PRKN: variants seen among roughly 807,000 people sequenced by gnomAD.
PRKN encodes the protein E3 ubiquitin-protein ligase parkin.
PRKN carries 56 observed loss-of-function variants against 59.5 expected under a neutral mutation model. The ratio of observed to expected loss-of-function variants is 0.94; its 90% CI spans 0.76 to 1.18. The LOEUF (loss-of-function observed/expected upper bound fraction) is 1.18. Among genes scored for constraint, PRKN ranks in the 50% most tolerant of loss-of-function variants. The pLI, the probability that PRKN is intolerant of heterozygous loss-of-function variation, is 0.00. For missense variants in PRKN, 657 were observed against 596.4 expected (o/e 1.10, Z -1.06); for synonymous variants, 250 against 222.1 (o/e 1.13, Z -1.12).
At chr6:162,498,281 G>A (rs1468207810) in intron 1 of PRKN, among the ~76,000 whole-genome samples, 4 of 151,242 alleles carry the variant, frequency 2.6e-5, no homozygotes, top group African/African-American at 9.7e-5. Context: ...TAAGCTCCCT[G>A]AAGAACGGAG....
intron 9 of PRKN, among the ~76,000 whole-genome samples, chr6:161,441,352 T>G (rs993372619): frequency 6.6e-6 from 1 of 151,752 alleles, no homozygotes; most frequent in Admixed American, 6.6e-5. Flanking sequence ...ACAGAAAGAG[T>G]CTGGGGTCCT....
rs550257542 is a variant in PRKN at position 162,570,340 on chromosome 6, C to G, written c.8-126867G>C. 3.9e-5 allele frequency among the ~76,000 whole-genome samples: 6 copies of G among 152,196 alleles called. No individual in the cohort carries two copies. The East Asian group carries it at 1.2e-3, about 29-fold the overall frequency. ...GTCAAGGTTGTGGAGAAAAGGGAAC[C>G]CTCATATACTGTTGGTGAAAATGTA... is the stretch of plus-strand genomic sequence containing the variant. On this transcript the variant is annotated intron_variant, in intron 1 of 11. Coordinates refer to ENST00000366898, the MANE Select transcript of PRKN (RefSeq NM_004562.3).
chr6:161,956,871 T>A lies in PRKN; in HGVS notation c.734+16431A>T, dbSNP rs73783659. On this transcript the variant is annotated intron_variant, in intron 6 of 11. Coordinates refer to ENST00000366898, the MANE Select transcript of PRKN (RefSeq NM_004562.3). ...TGTAATAGAGTTATATATAATATAA[T>A]TACTGTAGCTATTAGTGATTTGAAA... 8.4e-3 allele frequency among the ~76,000 whole-genome samples: 1,280 copies of A among 152,292 alleles called. 18 individuals carry two copies. Among genetic ancestry groups the A allele is most frequent in the African/African-American group, 0.03 (1,242 of 41,556 alleles).
chr6:162,018,989 ATTC>A (rs1414121441), intron 5 of PRKN, among the ~76,000 whole-genome samples: 5 of 152,172 alleles, frequency 3.3e-5, no homozygotes, highest in African/African-American at 7.2e-5. Flanking sequence ...AATATCACAA[ATTC>A]TTCTTATGTA....
chr6:162,145,097 C>G (rs940233960), intron 4 of PRKN, among the ~76,000 whole-genome samples: 2 of 152,154 alleles, frequency 1.3e-5, no homozygotes, highest in African/African-American at 4.8e-5. Flanking sequence ...AAGGTATTCA[C>G]TTCAACGCAA....
intron 3 of PRKN, among the ~76,000 whole-genome samples, chr6:162,203,519 A>G (rs943160280): frequency 6.6e-6 from 1 of 152,162 alleles, no homozygotes; most frequent in South Asian, 2.1e-4. Context: ...ACATAACACA[A>G]TTAAAAGTTG....
At chr6:161,392,641 C>G (rs1188543999) in intron 9 of PRKN, among the ~76,000 whole-genome samples, 1 of 151,682 alleles carries the variant, frequency 6.6e-6, no homozygotes, top group Non-Finnish European at 1.5e-5. Flanking sequence ...GGTTTCCTTT[C>G]ATTTGACAAT....
At chr6:162,145,835 G>A (rs551833444) in intron 4 of PRKN, among the ~76,000 whole-genome samples, 1 of 152,238 alleles carries the variant, frequency 6.6e-6, no homozygotes, top group African/African-American at 2.4e-5. Context: ...CTGATGGGCG[G>A]CGAAAAGCAA....
chr6:162,122,071 T>C (rs1437415833), intron 4 of PRKN, among the ~76,000 whole-genome samples: 2 of 152,196 alleles, frequency 1.3e-5, no homozygotes, highest in Admixed American at 6.5e-5. Context: ...TGTGAAGATA[T>C]CTGCACTCCA....
intron 4 of PRKN, among the ~76,000 whole-genome samples, chr6:162,126,490 A>T (rs1197178512): frequency 6.6e-6 from 1 of 152,212 alleles, no homozygotes; most frequent in Non-Finnish European, 1.5e-5. Context: ...TTATGTGGTC[A>T]TTGTTGCCAT....
chr6:162,041,126 G>A (rs1036573234), intron 5 of PRKN, among the ~76,000 whole-genome samples: 2 of 151,954 alleles, frequency 1.3e-5, no homozygotes, highest in South Asian at 2.1e-4. Flanking sequence ...CAGGGGTTGC[G>A]ACCAGCTGAG....
At chr6:161,677,480 G>A (rs532029670) in intron 7 of PRKN, among the ~76,000 whole-genome samples, 4 of 152,348 alleles carry the variant, frequency 2.6e-5, no homozygotes, top group African/African-American at 4.8e-5. Context: ...ACTGACTGCT[G>A]CAAGCCTTGG....
intron 6 of PRKN, among the ~76,000 whole-genome samples, chr6:161,893,295 G>C (rs1583308316): frequency 6.6e-6 from 1 of 152,284 alleles, no homozygotes; most frequent in East Asian, 1.9e-4. Flanking sequence ...AAAGTAGAGG[G>C]GTACCATAGA....
At position 162,118,278 on chromosome 6, in the gene PRKN, G is replaced by A. The variant is rs572058939; in HGVS notation, c.535-64104C>T. ...AAATTAGCCAGGCGTGGTGGCCAGC[G>A]CCAGTTGTCCCAGCTACTTGGGAGG... On this transcript the variant is annotated intron_variant, in intron 4 of 11. Coordinates refer to ENST00000366898, the MANE Select transcript of PRKN (RefSeq NM_004562.3). Among the ~76,000 whole-genome samples the A allele has an allele frequency of 5.3e-5, 8 of 151,750 alleles. No homozygotes were observed. The East Asian group carries it at 1.2e-3, about 22-fold the overall frequency.
chr6:161,763,248 C>T (rs1228579499), intron 7 of PRKN, among the ~76,000 whole-genome samples: 1 of 152,152 alleles, frequency 6.6e-6, no homozygotes, highest in Non-Finnish European at 1.5e-5. Context: ...TGGCACGTTC[C>T]TGCCGGAATT....
At chr6:162,639,012 C>T (rs1391225560) in intron 1 of PRKN, among the ~76,000 whole-genome samples, 1 of 152,120 alleles carries the variant, frequency 6.6e-6, no homozygotes, top group Non-Finnish European at 1.5e-5. Flanking sequence ...TCATACATAT[C>T]TCTATGCTTC....
chr6:161,702,234 G>A (rs1786282673), intron 7 of PRKN, among the ~76,000 whole-genome samples: 1 of 152,108 alleles, frequency 6.6e-6, no homozygotes, highest in Non-Finnish European at 1.5e-5. Flanking sequence ...CCAAAATTAG[G>A]TAAAAAGATA....
chr6:161,842,093 C>T (rs1793009236), intron 6 of PRKN, among the ~76,000 whole-genome samples: 1 of 152,146 alleles, frequency 6.6e-6, no homozygotes. Flanking sequence ...AAGGAGCACA[C>T]TCGGCTTGTC....
intron 1 of PRKN, among the ~76,000 whole-genome samples, chr6:162,644,281 C>A (rs1038977620): frequency 1.3e-5 from 2 of 152,152 alleles, no homozygotes; most frequent in African/African-American, 4.8e-5. Context: ...CAGAGTGCAC[C>A]CCCCATGGAA....
Sources: gnomAD v4.1 joint callset for allele counts (sites outside exome capture counted in the v4.1 genomes callset) on GRCh38, gnomAD v4.1.1 for gene constraint, MANE v1.5 for transcripts, NCBI Gene and HGNC (gene_info 2026-07-23, HGNC 2026-07-21) for gene names.